Variants in CHUK observed in about 807,000 individuals in gnomAD.
CHUK encodes the protein component of inhibitor of nuclear factor kappa B kinase complex, also known as inhibitor of nuclear factor kappa-B kinase subunit alpha.
A neutral mutation model predicts 104.8 loss-of-function variants in CHUK; 35 were observed. The ratio of observed to expected loss-of-function variants is 0.33; its 90% CI spans 0.26 to 0.44. CHUK has a LOEUF of 0.44. CHUK is among the 20% of genes least tolerant of loss of function. The pLI is 1.00. For missense variants in CHUK, 663 were observed against 902.7 expected (o/e 0.73, Z 3.40); for synonymous variants, 276 against 291.9 (o/e 0.95, Z 0.56).
At chr10:100,210,248 C>T (rs967140532) in intron 9 of CHUK, among the ~76,000 whole-genome samples, 2 of 150,712 alleles carry the variant, frequency 1.3e-5, no homozygotes, top group African/African-American at 2.4e-5. Flanking sequence ...CCACTACGCC[C>T]GGCTAATTTT....
intron 2 of CHUK, among the ~76,000 whole-genome samples, chr10:100,223,208 AG>A (rs1846030258): frequency 6.6e-6 from 1 of 152,258 alleles, no homozygotes; most frequent in Non-Finnish European, 1.5e-5. Flanking sequence ...AGTGCCAAGC[AG>A]TAAACATTTT....
Position 100,204,932 on chromosome 10 carries a change from T to C in CHUK, c.1355+144A>G. 3.1e-6 allele frequency: 3 copies of C among 969,424 alleles called. No individual in the cohort carries two copies. The African/African-American group carries it at 4.8e-5, about 16-fold the overall frequency. The allele number at this position is 969,424 out of a possible 1,614,324, so 60.1% of individuals were successfully genotyped here. On this transcript the variant is annotated intron_variant, in intron 12 of 20. Coordinates refer to ENST00000370397, the MANE Select transcript of CHUK (RefSeq NM_001278.5). Reference sequence around the variant, plus strand: ...GGTCTCAGTCCATTAGTAAGAATTCTACAAGTTTATCAGAACATTACACTT... The same window carrying C: ...GGTCTCAGTCCATTAGTAAGAATTCCACAAGTTTATCAGAACATTACACTT...
intron 16 of CHUK, among the ~76,000 whole-genome samples, chr10:100,197,298 C>T (rs760388405): frequency 6.6e-6 from 1 of 152,170 alleles, no homozygotes; most frequent in Non-Finnish European, 1.5e-5. Flanking sequence ...ACCAAAACAT[C>T]ATCATGTGGC....
chr10:100,195,453 A>G (rs1480434214), intron 16 of CHUK: 1 of 152,170 alleles, frequency 6.6e-6, no homozygotes, highest in Non-Finnish European at 1.5e-5. Flanking sequence ...CTTCCCCCAT[A>G]GCCCAACTTT....
At position 100,194,059 on chromosome 10, in the gene CHUK, T is replaced by C. The variant is rs764389830; in HGVS notation, c.1899A>G (p.Lys633=). The change falls in exon 18 of 21, where the codon AAA becomes AAG. Residue 633 remains lysine, a synonymous_variant. Coordinates refer to ENST00000370397, the MANE Select transcript of CHUK (RefSeq NM_001278.5). The part of the protein sequence containing the change: ...PKVEVALSNI[K]EADNTVMFMQ... Reference sequence around the variant, plus strand: ...TGAACATGACAGTATTGTCAGCTTCTTTGATATTACTGAGGGCCACTTCCA... The same window carrying C: ...TGAACATGACAGTATTGTCAGCTTCCTTGATATTACTGAGGGCCACTTCCA... The C allele has an allele frequency of 1.9e-6, 3 of 1,613,516 alleles. No homozygotes were observed. The highest frequency in any genetic ancestry group is 2.5e-6 in the Non-Finnish European group (3 of 1,179,466).
In CHUK at chr10:100,219,173, G is replaced by A; in HGVS notation, c.565-41C>T. 1.9e-6 allele frequency: 3 copies of A among 1,606,578 alleles called. No individual in the cohort carries two copies. In the South Asian group the frequency reaches 3.3e-5, roughly 18 times the overall value. ...TGCTTTAAACACCAACACTGTATGG[G>A]AAAAGCTACTTTATTTTTGACCTAC... On this transcript the variant is annotated intron_variant, in intron 6 of 20. Coordinates refer to ENST00000370397, the MANE Select transcript of CHUK (RefSeq NM_001278.5).
chr10:100,229,536 G>A lies in CHUK; in HGVS notation c.-4C>T. On this transcript the variant is annotated 5_prime_UTR_variant, in exon 1 of 21. Transcript: ENST00000370397. ...GCAGCCCCGGGGGCCGCTCCATGGG[G>A]CGGGAGGGCAAGCGGCCTCAGGTTC... 2.0e-6 allele frequency: 3 copies of A among 1,529,978 alleles called. No homozygotes were observed. Among genetic ancestry groups the A allele is most frequent in the Non-Finnish European group, 2.6e-6 (3 of 1,141,382 alleles). The allele number at this position is 1,529,978 out of a possible 1,614,324, so 94.8% of individuals were successfully genotyped here.
At chr10:100,220,720 G>T in intron 4 of CHUK, 44 bp from the exon 5 acceptor site, 2 of 1,299,158 alleles carry the variant, frequency 1.5e-6, no homozygotes, top group South Asian at 1.2e-5. Flanking sequence ...AGAAATCATT[G>T]AGTTAAAAGA....
intron 4 of CHUK, among the ~76,000 whole-genome samples, chr10:100,221,688 A>G (rs1845991065): frequency 6.6e-6 from 1 of 152,118 alleles, no homozygotes; most frequent in Non-Finnish European, 1.5e-5. Context: ...TCCAAGCTGG[A>G]GTGCAGTGGT....
chr10:100,218,162 A>C, intron 8 of CHUK, 32 bp from the exon 9 acceptor site: 1 of 1,584,382 alleles, frequency 6.3e-7, no homozygotes, highest in Non-Finnish European at 8.7e-7. Context: ...GTGAAAATCA[A>C]ATCATTATGT....
chr10:100,209,810 G>C, intron 9 of CHUK, 21 bp from the exon 10 acceptor site: 1 of 1,096,250 alleles, frequency 9.1e-7, no homozygotes. Flanking sequence ...AAGAAAAAAA[G>C]GTAAAGTTAT....
intron 10 of CHUK, 97 bp downstream of exon 10, chr10:100,209,498 G>A (rs1338641340): frequency 2.4e-5 from 18 of 757,668 alleles, no homozygotes; most frequent in East Asian, 5.2e-5. Context: ...CAAAATGTGC[G>A]GCCTCCCAAG....
At chr10:100,224,226 T>C (rs1374259013) in intron 2 of CHUK, among the ~76,000 whole-genome samples, 5 of 152,192 alleles carry the variant, frequency 3.3e-5, no homozygotes, top group Non-Finnish European at 5.9e-5. Flanking sequence ...CTGATGCTTT[T>C]GGCCAACATT....
chr10:100,197,446 T>C (rs1845359876), intron 16 of CHUK, among the ~76,000 whole-genome samples: 1 of 152,176 alleles, frequency 6.6e-6, no homozygotes, highest in Non-Finnish European at 1.5e-5. Context: ...TCAAACTTTT[T>C]GGTCTCAGGA....
chr10:100,194,413 C>A lies in CHUK; in HGVS notation c.1826+12G>T, dbSNP rs570983691. The stretch of plus-strand genomic sequence containing the variant: ...CCTGGTTTTTCAGTAGGAAATGAAG[C>A]AATTTTCCTACCTCAAATGACCAAA... On this transcript the variant is annotated intron_variant, in intron 17 of 20. Transcript: ENST00000370397. The A allele has an allele frequency of 5.1e-6, 8 of 1,565,714 alleles. No homozygotes were observed. In the African/African-American group the frequency reaches 9.4e-5, roughly 18 times the overall value.
intron 1 of CHUK, among the ~76,000 whole-genome samples, 165 bp from the exon 2 acceptor site, chr10:100,226,182 G>C (rs1846101861): frequency 6.6e-6 from 1 of 152,046 alleles, no homozygotes; most frequent in African/African-American, 2.4e-5. Context: ...TAAACCATGA[G>C]ACTATTACAC....
intron 16 of CHUK, chr10:100,195,916 G>A (rs1036557346): frequency 1.3e-5 from 2 of 152,170 alleles, no homozygotes; most frequent in Non-Finnish European, 2.9e-5. Flanking sequence ...TGTGGTATCT[G>A]ATTCATTAGC....
At chr10:100,212,961 G>A (rs182150569) in intron 9 of CHUK, among the ~76,000 whole-genome samples, 123 of 145,568 alleles carry the variant, frequency 8.4e-4, no homozygotes, top group African/African-American at 3.0e-3. Flanking sequence ...AGCCAAGATC[G>A]CGCCACTGCA....
At chr10:100,199,297 C>G (rs1459448637) in intron 16 of CHUK, among the ~76,000 whole-genome samples, 1 of 152,134 alleles carries the variant, frequency 6.6e-6, no homozygotes, top group Non-Finnish European at 1.5e-5. Context: ...CCTGAACCCA[C>G]TGCCTCAAAT....
Sources: allele counts gnomAD v4.1 joint callset (sites outside exome capture counted in the v4.1 genomes callset), GRCh38; gene constraint gnomAD v4.1.1; transcripts MANE v1.5; gene names NCBI Gene and HGNC (gene_info 2026-07-23, HGNC 2026-07-21).